Variants in LIFR observed in about 807,000 individuals in gnomAD.
LIFR encodes LIF receptor subunit alpha, also known as leukemia inhibitory factor receptor.
In LIFR, 84 loss-of-function variants were observed where a neutral mutation model predicts 122.2. The ratio of observed to expected loss-of-function variants is 0.69; its 90% CI spans 0.58 to 0.82. The LOEUF (loss-of-function observed/expected upper bound fraction) is 0.82, where lower values mean the gene tolerates loss of function less well. Ranked by LOEUF, LIFR falls within the 40% of genes least tolerant of loss-of-function variation. The pLI, the probability that LIFR is intolerant of heterozygous loss-of-function variation, is 0.00. For synonymous variants in LIFR, 422 were observed against 434.7 expected (o/e 0.97, Z 0.36); for missense variants, 1,294 against 1,311.6 (o/e 0.99, Z 0.21).
chr5:38,588,070 A>G (rs1424826832), intron 1 of LIFR, among the ~76,000 whole-genome samples: 1 of 152,246 alleles, frequency 6.6e-6, no homozygotes, highest in Admixed American at 6.5e-5. Context: ...ATATCAAAGC[A>G]TAAGTTAGCT....
intron 5 of LIFR, among the ~76,000 whole-genome samples, chr5:38,517,590 G>C (rs895605409): frequency 6.6e-6 from 1 of 152,020 alleles, no homozygotes; most frequent in Admixed American, 6.6e-5. Flanking sequence ...GGGCGCGGTG[G>C]CTCATGCCTG....
At chr5:38,598,237 A>C (rs138260600), upstream of LIFR, among the ~76,000 whole-genome samples, 2 of 26,832 alleles carry the variant, frequency 7.5e-5, no homozygotes, top group Non-Finnish European at 1.4e-4. Context: ...TTTTTTATTT[A>C]TTTATTTATT....
intron 1 of LIFR, among the ~76,000 whole-genome samples, chr5:38,539,073 G>C (rs190327003): frequency 6.6e-5 from 10 of 152,132 alleles, no homozygotes. Flanking sequence ...CCATTCTCCT[G>C]CCTCAGCCTC....
At chr5:38,530,781 G>GA in intron 1 of LIFR, 115 bp from the exon 2 acceptor site, 1 of 929,822 alleles carries the variant, frequency 1.1e-6, no homozygotes, top group Non-Finnish European at 1.8e-6. Flanking sequence ...TGTACATTTA[G>GA]AGACTTTGGA....
chr5:38,483,302 T>C (rs1187320488), intron 18 of LIFR, among the ~76,000 whole-genome samples: 4 of 152,236 alleles, frequency 2.6e-5, no homozygotes, highest in Admixed American at 2.6e-4. Context: ...ACTGTATTAC[T>C]TGAAATTCCT....
rs1561119355 is a variant in LIFR, at chr5:38,476,245, A to C, written c.*5350T>G. ...TGTTCTTTTCTATGAGCAATTGCAA[A>C]AACACTAATACTAATGTTAAACCTA... On this transcript the variant is annotated 3_prime_UTR_variant, in exon 20 of 20. Transcript: ENST00000453190. 1 of 208,048 alleles carries C rather than the reference A, an allele frequency of 4.8e-6. No individual in the cohort carries two copies. Among genetic ancestry groups the C allele is most frequent in the East Asian group, 7.3e-5 (1 of 13,710 alleles). 12.9% of individuals were successfully genotyped at this position (208,048 alleles called of 1,614,324 possible). A position where few individuals can be genotyped will look rare whatever the true frequency, so the allele number is the denominator to read the frequency against.
intron 1 of LIFR, among the ~76,000 whole-genome samples, chr5:38,543,771 A>G (rs1747720494): frequency 6.6e-6 from 1 of 152,136 alleles, no homozygotes; most frequent in African/African-American, 2.4e-5. Context: ...AATCATGTTA[A>G]TTAAAATCTA....
chr5:38,522,116 G>C (rs1746434603), intron 5 of LIFR, among the ~76,000 whole-genome samples: 1 of 152,196 alleles, frequency 6.6e-6, no homozygotes, highest in African/African-American at 2.4e-5. Context: ...TTCAATGGTA[G>C]CCATAGGCAT....
chr5:38,524,894 G>A (rs1746594022), intron 4 of LIFR, among the ~76,000 whole-genome samples: 1 of 152,096 alleles, frequency 6.6e-6, no homozygotes, highest in Non-Finnish European at 1.5e-5. Flanking sequence ...CAGGATCATC[G>A]AAATAAAAAC....
At chr5:38,536,128 G>A (rs1350418539) in intron 1 of LIFR, among the ~76,000 whole-genome samples, 3 of 152,158 alleles carry the variant, frequency 2.0e-5, no homozygotes, top group Non-Finnish European at 4.4e-5. Context: ...AATCAATGTA[G>A]AAATGGAAAT....
At chr5:38,600,988 A>G (rs1246906180) in intron 2 of LIFR, among the ~76,000 whole-genome samples, 1 of 152,220 alleles carries the variant, frequency 6.6e-6, no homozygotes, top group African/African-American at 2.4e-5. Flanking sequence ...CAGGGGTAAC[A>G]CTGACCTTAG....
intron 9 of LIFR, among the ~76,000 whole-genome samples, chr5:38,505,135 A>G (rs1745398223): frequency 6.6e-6 from 1 of 150,438 alleles, no homozygotes; most frequent in Non-Finnish European, 1.5e-5. Context: ...ATTAATACAT[A>G]CAACAACATG....
At chr5:38,551,554 G>C (rs1459811438) in intron 1 of LIFR, among the ~76,000 whole-genome samples, 4 of 152,206 alleles carry the variant, frequency 2.6e-5, no homozygotes, top group Non-Finnish European at 5.9e-5. Flanking sequence ...ATTGCAAGAG[G>C]CCTCAGTATT....
rs1292793769 is a variant in LIFR at position 38,523,599 on chromosome 5, CAAAAGAGAA to C, written c.398-26_398-18del. 6.2e-7 allele frequency: 1 copy of C among 1,600,412 alleles called. No homozygotes were observed. Among genetic ancestry groups the C allele is most frequent in the Non-Finnish European group, 8.6e-7 (1 of 1,168,226 alleles). ...GAATTAAGGCTTTAAAAAGAGGAAA[CAAAAGAGAA>C]AACTTAGTAAAATAAGTAATGATTT... On this transcript the variant is annotated intron_variant, in intron 4 of 19. Transcript: ENST00000453190.
Position 38,569,796 on chromosome 5 carries a change from A to G in LIFR, c.-20+25465T>C, listed in dbSNP as rs567074076. 9.7e-4 allele frequency among the ~76,000 whole-genome samples: 148 copies of G among 152,306 alleles called. 1 individual carries two copies. Among genetic ancestry groups the G allele is most frequent in the African/African-American group, 3.4e-3 (140 of 41,562 alleles). ...CTATCTATTAAAATCCTATTCTTCA[A>G]GGCTATATCAAATTCTACCTCCTCT... On this transcript the variant is annotated intron_variant, in intron 1 of 19. Coordinates refer to the LIFR transcript ENST00000263409.
At chr5:38,573,966 T>G (rs973267819) in intron 1 of LIFR, among the ~76,000 whole-genome samples, 1 of 151,868 alleles carries the variant, frequency 6.6e-6, no homozygotes, top group Non-Finnish European at 1.5e-5. Context: ...AATACAAAAA[T>G]TAGTCGAGCA....
At chr5:38,512,850 G>A (rs1745874976) in intron 5 of LIFR, among the ~76,000 whole-genome samples, 1 of 152,102 alleles carries the variant, frequency 6.6e-6, no homozygotes, top group Non-Finnish European at 1.5e-5. Flanking sequence ...TAATGGGGTT[G>A]CACTTTCAAA....
chr5:38,479,361 ACTT>A lies in LIFR; in HGVS notation c.*2231_*2233del, dbSNP rs1743869617. ...AGGGGAAAGGTGAGTGATATTCTGC[ACTT>A]TTTTCATACAGAAAAAAACAATGAA... is the stretch of plus-strand genomic sequence containing the variant. On this transcript the variant is annotated 3_prime_UTR_variant, in exon 20 of 20. Coordinates refer to ENST00000453190, the MANE Select transcript of LIFR (RefSeq NM_001127671.2). 1 of 230,936 alleles carries A rather than the reference ACTT, an allele frequency of 4.3e-6. No homozygotes were observed. Among genetic ancestry groups the A allele is most frequent in the Admixed American group, 5.6e-5 (1 of 17,714 alleles). 14.3% of individuals were successfully genotyped at this position (230,936 alleles called of 1,614,324 possible).
At chr5:38,579,166 T>A (rs1034572676) in intron 1 of LIFR, 1 of 152,248 alleles carries the variant, frequency 6.6e-6, no homozygotes, top group African/African-American at 2.4e-5. Flanking sequence ...AACTCTAAGA[T>A]GTCAGAACAA....
Sources: allele counts gnomAD v4.1 joint callset (sites outside exome capture counted in the v4.1 genomes callset), GRCh38; gene constraint gnomAD v4.1.1; transcripts MANE v1.5; gene names NCBI Gene and HGNC (gene_info 2026-07-23, HGNC 2026-07-21).